Variants in ITSN2 observed in about 807,000 individuals in gnomAD.
ITSN2 encodes the protein intersectin 2.
In ITSN2, 156 loss-of-function variants were observed where a neutral mutation model predicts 243.7. The observed-to-expected ratio is 0.64, with a 90% CI of 0.56 to 0.73. The LOEUF is 0.73. Among genes scored for constraint, ITSN2 ranks in the 30% least tolerant of loss-of-function variants. The pLI is 0.00. For synonymous variants in ITSN2, 703 were observed against 699.9 expected (o/e 1.00, Z -0.07); for missense variants, 1,801 against 1,996.1 (o/e 0.90, Z 1.86).
At chr2:24,212,245 G>A (rs779597104) in intron 33 of ITSN2, among the ~76,000 whole-genome samples, 2 of 152,162 alleles carry the variant, frequency 1.3e-5, no homozygotes, top group Non-Finnish European at 2.9e-5. Flanking sequence ...GGTGTTCAGG[G>A]TGGATGGAGG....
Position 24,302,011 on chromosome 2 carries a change from G to C in ITSN2, c.949C>G (p.Pro317Ala). 1 of 1,612,970 alleles carries C rather than the reference G, an allele frequency of 6.2e-7. No individual in the cohort carries two copies. ...HLTDMAKAGQPLPLTLPPELV... is the reference protein window; with the variant it reads ...HLTDMAKAGQALPLTLPPELV... ...TCAGGAGGTAAAGTCAGTGGTAATGGCTGTCCAGCTTTGGCCATGTCAGTA... is the reference window on the plus strand; with the variant it reads ...TCAGGAGGTAAAGTCAGTGGTAATGCCTGTCCAGCTTTGGCCATGTCAGTA... Residue 317 changes from proline (P) to alanine (A), a missense_variant, in exon 10 of 40, where the codon CCA (proline) becomes GCA (alanine). Physicochemically the swap from Pro to Ala is conservative, Grantham distance 27. Around this residue, in one of 5 missense-constraint regions of ITSN2, gnomAD observed 787 missense variants for 803.9 expected, o/e 0.98. Transcript: ENST00000355123.
intron 21 of ITSN2, 136 bp from the exon 22 acceptor site, chr2:24,261,386 C>G (rs895080102): frequency 2.4e-5 from 21 of 891,720 alleles, no homozygotes; most frequent in Non-Finnish European, 2.9e-5. Context: ...TATTAACAAA[C>G]TACTGACCCA....
At chr2:24,295,410 G>A (rs982349932) in intron 14 of ITSN2, among the ~76,000 whole-genome samples, 5 of 152,134 alleles carry the variant, frequency 3.3e-5, no homozygotes, top group African/African-American at 4.8e-5. Flanking sequence ...GGAATCAAGC[G>A]ATTCTCCTGC....
At chr2:24,303,556 G>C (rs1574232882) in intron 9 of ITSN2, among the ~76,000 whole-genome samples, 1 of 152,214 alleles carries the variant, frequency 6.6e-6, no homozygotes, top group South Asian at 2.1e-4. Flanking sequence ...TGTATGCCAA[G>C]ATTAATCTAT....
At chr2:24,309,883 A>G (rs998110654) in intron 7 of ITSN2, among the ~76,000 whole-genome samples, 3 of 152,212 alleles carry the variant, frequency 2.0e-5, no homozygotes, top group African/African-American at 7.2e-5. Context: ...TGTAATGAAT[A>G]CTGATGCATT....
intron 36 of ITSN2, 31 bp from the exon 37 acceptor site, chr2:24,208,350 G>A (rs375511933): frequency 2.0e-5 from 31 of 1,554,526 alleles, no homozygotes; most frequent in Admixed American, 3.3e-5. Flanking sequence ...GCCGTTGGCC[G>A]CATCCCACCC....
intron 1 of ITSN2, among the ~76,000 whole-genome samples, chr2:24,340,990 C>A (rs1229850019): frequency 6.6e-6 from 1 of 152,130 alleles, no homozygotes; most frequent in Non-Finnish European, 1.5e-5. Flanking sequence ...AAGTGACTGG[C>A]ATAGTCCAGG....
Position 24,308,599 on chromosome 2 carries a change from G to A in ITSN2, c.793+18C>T, listed in dbSNP as rs1212151892. On this transcript the variant is annotated intron_variant, in intron 8 of 39. Transcript: ENST00000355123. ...AAAAGACCCTTTTTCATGCTCTTCA[G>A]CACTGTATGCTGCTTACCTGAGAGA... The A allele has an allele frequency of 1.4e-6, 2 of 1,431,332 alleles. No homozygotes were observed. The highest frequency in any genetic ancestry group is 2.2e-4 in the Middle Eastern group (1 of 4,532). 88.7% of individuals were successfully genotyped at this position (1,431,332 alleles called of 1,614,324 possible).
At chr2:24,351,494 A>G (rs1415771660) in intron 1 of ITSN2, among the ~76,000 whole-genome samples, 1 of 152,192 alleles carries the variant, frequency 6.6e-6, no homozygotes, top group Non-Finnish European at 1.5e-5. Flanking sequence ...ACATAGCTTC[A>G]ATTTCCTAAC....
Position 24,246,728 on chromosome 2 carries a change from T to A in ITSN2, c.3385+69A>T, listed in dbSNP as rs909231467. 4 of 886,688 alleles carry A rather than the reference T, an allele frequency of 4.5e-6. No individual in the cohort carries two copies. In the South Asian group the frequency reaches 5.7e-5, roughly 13 times the overall value. The allele number at this position is 886,688 out of a possible 1,614,324, so 54.9% of individuals were successfully genotyped here. A position where few individuals can be genotyped will look rare whatever the true frequency, so the allele number is the denominator to read the frequency against. On this transcript the variant is annotated intron_variant, in intron 28 of 39. Transcript: ENST00000355123. ...TTTTAATGTTTTCCAAAGATTGAGC[T>A]AATCTAAGAAGTTGCTGAGTTTTAA...
chr2:24,279,603 G>A (rs1227735712), intron 17 of ITSN2, among the ~76,000 whole-genome samples: 2 of 152,168 alleles, frequency 1.3e-5, no homozygotes, highest in Non-Finnish European at 2.9e-5. Context: ...AAGCAAATTT[G>A]GAGGGTAAAT....
Position 24,253,944 on chromosome 2 carries a change from A to C in ITSN2, c.2953+423T>G, listed in dbSNP as rs116737077. 5.6e-3 allele frequency among the ~76,000 whole-genome samples: 860 copies of C among 152,312 alleles called. 4 individuals carry two copies. The highest frequency in any genetic ancestry group is 0.02 in the African/African-American group (828 of 41,582). On this transcript the variant is annotated intron_variant, in intron 24 of 39. Transcript: ENST00000355123. ...AATCAAACAACCCAAAGGGATATAG[A>C]AAAAAATTCTTTGCAATACTTATGA...
chr2:24,348,905 G>A (rs552978611), intron 1 of ITSN2, among the ~76,000 whole-genome samples: 70 of 151,858 alleles, frequency 4.6e-4, no homozygotes, highest in African/African-American at 9.4e-4. Flanking sequence ...GTATACTATC[G>A]CTGCAAAAAA....
chr2:24,295,744 G>C lies in ITSN2; in HGVS notation c.1555C>G (p.Gln519Glu). Reference sequence around the variant, plus strand: ...TCCAGAACTTCCAGCTCAGTCTTTTGAGTTTGCTTTTTGAGTCGGACATCC... The same window carrying C: ...TCCAGAACTTCCAGCTCAGTCTTTTCAGTTTGCTTTTTGAGTCGGACATCC... ...LQDVRLKKQT[Q>E]KTELEVLDKQ... Residue 519 changes from glutamine (Q) to glutamate (E), a missense_variant, in exon 14 of 40, where the codon CAA becomes GAA. Physicochemically the swap from Gln to Glu is conservative, Grantham distance 29 (BLOSUM62 2). This residue lies in a region of ITSN2 where 787 missense variants were observed against 803.9 expected (regional missense o/e 0.98). Coordinates refer to ENST00000355123, the MANE Select transcript of ITSN2 (RefSeq NM_006277.3). 1 of 1,567,002 alleles carries C rather than the reference G, an allele frequency of 6.4e-7. No individual in the cohort carries two copies. Among genetic ancestry groups the C allele is most frequent in the South Asian group, 1.2e-5 (1 of 81,866 alleles).
chr2:24,351,698 T>G (rs895097202), intron 1 of ITSN2, among the ~76,000 whole-genome samples: 5 of 152,184 alleles, frequency 3.3e-5, no homozygotes, highest in African/African-American at 4.8e-5. Flanking sequence ...CCAACCAGGA[T>G]GAAAACCATC....
Position 24,261,107 on chromosome 2 carries a change from T to G in ITSN2, c.2681A>C (p.Gln894Pro). ...CCACAAAAATAACAGACAACATACC[T>G]GTCCATGAATAGGTGATACAGATCC... is the stretch of plus-strand genomic sequence containing the variant. Reference protein sequence around the residue: ...SPGSVSPIHGQGQVVENLKAQ... With the variant: ...SPGSVSPIHGPGQVVENLKAQ... Residue 894 changes from glutamine to proline, a missense_variant and splice_region_variant, in exon 22 of 40, where the codon CAG becomes CCG. By Grantham distance (76) the Gln-to-Pro change is moderately conservative. Transcript: ENST00000355123. The G allele has an allele frequency of 6.2e-7, 1 of 1,611,302 alleles. No homozygotes were observed. The highest frequency in any genetic ancestry group is 8.5e-7 in the Non-Finnish European group (1 of 1,179,112).
chr2:24,357,633 C>T (rs1688573269), intron 1 of ITSN2, among the ~76,000 whole-genome samples: 1 of 151,930 alleles, frequency 6.6e-6, no homozygotes, highest in Admixed American at 6.5e-5. Context: ...GAAAGTCTGC[C>T]TTTCTTCAAA....
intron 2 of ITSN2, among the ~76,000 whole-genome samples, chr2:24,322,097 C>G (rs1267529186): frequency 2.0e-5 from 3 of 152,074 alleles, no homozygotes; most frequent in Non-Finnish European, 4.4e-5. Flanking sequence ...TCAGATGCCA[C>G]CTCTATAAAC....
At chr2:24,208,637 C>T (rs961943312) in intron 36 of ITSN2, among the ~76,000 whole-genome samples, 4 of 152,298 alleles carry the variant, frequency 2.6e-5, no homozygotes, top group East Asian at 1.9e-4. Context: ...CAGCACCCCC[C>T]GGGTTGGCGC....
Sources: gnomAD v4.1 joint callset for allele counts (sites outside exome capture counted in the v4.1 genomes callset) on GRCh38, gnomAD v4.1.1 for gene constraint, gnomAD v4.1.1 regional missense constraint, MANE v1.5 for transcripts, NCBI Gene and HGNC (gene_info 2026-07-23, HGNC 2026-07-21) for gene names.